Variants in CCDC50 observed in about 807,000 individuals in gnomAD.
CCDC50 encodes the protein coiled-coil domain-containing protein 50.
In CCDC50, 54 loss-of-function variants were observed where a neutral mutation model predicts 70.2. That is an observed-to-expected ratio of 0.77 (90% CI 0.62 to 0.96). The LOEUF is 0.96. Among genes scored for constraint, CCDC50 ranks in the 50% least tolerant of loss-of-function variants. CCDC50 has a pLI of 0.00. For synonymous variants in CCDC50, 216 were observed against 198.8 expected (o/e 1.09, Z -0.73); for missense variants, 558 against 578.7 (o/e 0.96, Z 0.37).
intron 11 of CCDC50, 139 bp downstream of exon 11, chr3:191,389,741 C>T: frequency 3.0e-6 from 2 of 673,064 alleles, no homozygotes; most frequent in Admixed American, 2.5e-5. Context: ...TAGAACTCCT[C>T]ATTTATTAAA....
chr3:191,387,024 T>C (rs574637020), intron 10 of CCDC50, among the ~76,000 whole-genome samples: 10 of 152,364 alleles, frequency 6.6e-5, no homozygotes, highest in Non-Finnish European at 7.4e-5. Flanking sequence ...TGCATTCTTA[T>C]TAATGTGAAA....
intron 5 of CCDC50, among the ~76,000 whole-genome samples, chr3:191,373,670 G>A (rs964962880): frequency 1.7e-4 from 26 of 151,822 alleles, no homozygotes; most frequent in Admixed American, 1.1e-3. Context: ...CAGATAATTT[G>A]TTTTTATCAC....
chr3:191,363,796 G>T (rs1712578450), intron 4 of CCDC50, among the ~76,000 whole-genome samples: 1 of 152,176 alleles, frequency 6.6e-6, no homozygotes, highest in African/African-American at 2.4e-5. Flanking sequence ...CAGACTTTTT[G>T]ACTTTTCAAC....
Position 191,375,588 on chromosome 3 carries a change from A to G in CCDC50, c.975A>G (p.Ala325=). The change falls in exon 6 of 12, where the codon GCA becomes GCG. Residue 325 remains alanine (A), a splice_region_variant and synonymous_variant. Coordinates refer to ENST00000392455, the MANE Select transcript of CCDC50 (RefSeq NM_178335.3). ...ESEEQLHLHD[A]GMKPRVMKEA... is the part of the protein sequence containing the mutation. ...AGGAGCAGCTCCACCTCCATGACGCAGGTAATAGAGGACAGTCTCGATGGA... is the reference window on the plus strand; with the variant it reads ...AGGAGCAGCTCCACCTCCATGACGCGGGTAATAGAGGACAGTCTCGATGGA... 6.2e-7 allele frequency: 1 copy of G among 1,612,732 alleles called. No homozygotes were observed.
rs148569395 is a variant in CCDC50, at chr3:191,338,486, A to G, written c.49+8763A>G. ...GCCGGTAGCTCTTTTGGAAAGGGCT[A>G]TTCACTCTCAATGTCTGCATTTATA... is the stretch of plus-strand genomic sequence containing the variant. On this transcript the variant is annotated intron_variant, in intron 1 of 11. Coordinates refer to ENST00000392455, the MANE Select transcript of CCDC50 (RefSeq NM_178335.3). Among the ~76,000 whole-genome samples the G allele has an allele frequency of 2.8e-4, 42 of 152,310 alleles. No individual in the cohort carries two copies. In the East Asian group the frequency reaches 6.8e-3, roughly 25 times the overall value.
At chr3:191,375,697 C>T (rs1356284157) in intron 6 of CCDC50, 108 bp downstream of exon 6, 3 of 1,170,022 alleles carry the variant, frequency 2.6e-6, no homozygotes, top group South Asian at 1.4e-5. Flanking sequence ...AGTTCATGCT[C>T]ATGACTTTGA....
At chr3:191,391,449 A>C (rs918794854) in intron 11 of CCDC50, among the ~76,000 whole-genome samples, 1 of 152,100 alleles carries the variant, frequency 6.6e-6, no homozygotes, top group Non-Finnish European at 1.5e-5. Context: ...TCCCACCTCA[A>C]CTTCCATCAG....
chr3:191,345,928 T>C (rs1202214501), intron 1 of CCDC50, among the ~76,000 whole-genome samples: 5 of 152,224 alleles, frequency 3.3e-5, no homozygotes, highest in Admixed American at 3.3e-4. Context: ...TTATATAATA[T>C]AGTGCTCCCT....
chr3:191,356,899 C>G (rs1285156071), intron 1 of CCDC50, among the ~76,000 whole-genome samples, 189 bp from the exon 2 acceptor site: 5 of 152,034 alleles, frequency 3.3e-5, no homozygotes, highest in Non-Finnish European at 5.9e-5. Context: ...TAAGCAGGCA[C>G]TATAGATTTT....
At chr3:191,341,629 T>G (rs1308468448) in intron 1 of CCDC50, among the ~76,000 whole-genome samples, 1 of 152,182 alleles carries the variant, frequency 6.6e-6, no homozygotes, top group Non-Finnish European at 1.5e-5. Flanking sequence ...CTTCTCAGAG[T>G]GCTAGCTGTT....
chr3:191,359,676 T>C (rs988631053), intron 3 of CCDC50, among the ~76,000 whole-genome samples: 7 of 152,030 alleles, frequency 4.6e-5, no homozygotes, highest in Non-Finnish European at 8.8e-5. Flanking sequence ...TTGAAGGTCA[T>C]GGTAATGGAG....
In CCDC50 at chr3:191,396,423, A is replaced by G. The variant is rs1397899534; in HGVS notation, c.*4663A>G. The stretch of plus-strand genomic sequence containing the variant: ...TAATTTTATTTCATGTTGTCTGTCC[A>G]CCTCTGAATAAGCAGTGGCATGACC... On this transcript the variant is annotated 3_prime_UTR_variant, in exon 12 of 12. Transcript: ENST00000392455. The G allele has an allele frequency of 6.6e-6, 1 of 152,170 alleles. No homozygotes were observed. 9.4% of individuals were successfully genotyped at this position (152,170 alleles called of 1,614,324 possible).
chr3:191,363,586 T>C (rs1376901327), intron 4 of CCDC50, among the ~76,000 whole-genome samples: 5 of 152,244 alleles, frequency 3.3e-5, no homozygotes, highest in Non-Finnish European at 5.9e-5. Context: ...ATTTCTGTTA[T>C]AGAGAGATAT....
At chr3:191,391,257 G>A (rs1460574443) in intron 11 of CCDC50, among the ~76,000 whole-genome samples, 4 of 151,958 alleles carry the variant, frequency 2.6e-5, no homozygotes, top group African/African-American at 7.3e-5. Flanking sequence ...AAATACCATC[G>A]CAAAAATGAC....
chr3:191,350,722 G>A (rs1257376108), intron 1 of CCDC50, among the ~76,000 whole-genome samples: 1 of 141,688 alleles, frequency 7.1e-6, no homozygotes, highest in Admixed American at 7.2e-5. Context: ...GTGATAGATA[G>A]GTACTCATTC....
Position 191,329,434 on chromosome 3 carries a change from G to A in CCDC50, c.-241G>A, listed in dbSNP as rs1367427413. On this transcript the variant is annotated 5_prime_UTR_variant, in exon 1 of 12. Coordinates refer to ENST00000392455, the MANE Select transcript of CCDC50 (RefSeq NM_178335.3). ...ATATTTGGTATCGATTGGGGCCGGG[G>A]ACGCGGAGCAGGTGGCCGCGGCGGG... 2.2e-6 allele frequency: 1 copy of A among 450,630 alleles called. No individual in the cohort carries two copies. Among genetic ancestry groups the A allele is most frequent in the Non-Finnish European group, 3.9e-6 (1 of 257,212 alleles). 27.9% of individuals were successfully genotyped at this position (450,630 alleles called of 1,614,324 possible). A position where few individuals can be genotyped will look rare whatever the true frequency, so the allele number is the denominator to read the frequency against.
intron 6 of CCDC50, 139 bp from the exon 7 acceptor site, chr3:191,380,020 C>T: frequency 1.5e-6 from 1 of 648,558 alleles, no homozygotes; most frequent in Admixed American, 2.7e-5. Context: ...TTTAATGCAC[C>T]CCACACTGTA....
At chr3:191,356,082 A>C (rs140974398) in intron 1 of CCDC50, among the ~76,000 whole-genome samples, 148 of 152,346 alleles carry the variant, frequency 9.7e-4, no homozygotes, top group African/African-American at 3.4e-3. Context: ...ATGTTTCATG[A>C]GTCCTACTCA....
chr3:191,340,395 G>A (rs12633312), intron 1 of CCDC50, among the ~76,000 whole-genome samples: 23,822 of 152,128 alleles, frequency 0.16, 2,795 homozygotes, highest in African/African-American at 0.33. Context: ...TGGAGATTTA[G>A]CAGAAAGCTT....
Sources: allele counts gnomAD v4.1 joint callset (sites outside exome capture counted in the v4.1 genomes callset), GRCh38; gene constraint gnomAD v4.1.1; transcripts MANE v1.5; gene names NCBI Gene and HGNC (gene_info 2026-07-23, HGNC 2026-07-21).